The following FOXP1 variants were observed in gnomAD, a reference collection of about 807,000 sequenced individuals.
FOXP1 encodes forkhead box protein P1.
In FOXP1, 15 loss-of-function variants were observed where a neutral mutation model predicts 98.2. The observed-to-expected ratio is 0.15, with a 90% CI of 0.10 to 0.24. FOXP1 has a LOEUF of 0.24. Ranked by LOEUF, FOXP1 falls within the 10% of genes least tolerant of loss-of-function variation. The pLI is 1.00. For synonymous variants in FOXP1, 371 were observed against 314.5 expected (o/e 1.18, Z -1.90); for missense variants, 633 against 848.5 (o/e 0.75, Z 3.15).
chr3:71,476,718 G>A (rs996795288), intron 3 of FOXP1, among the ~76,000 whole-genome samples: 1 of 149,528 alleles, frequency 6.7e-6, no homozygotes, highest in Non-Finnish European at 1.5e-5. Context: ...TGGCCAGGCT[G>A]GTCTCAAACT....
Position 71,104,480 on chromosome 3 carries a change from T to C in FOXP1, c.282+8056A>G, listed in dbSNP as rs558826913. The stretch of plus-strand genomic sequence containing the variant: ...AGTGTCTAACAGAACTTTTGAGTAA[T>C]GAGATTACATTTCAGTTTTTTTTCT... On this transcript the variant is annotated intron_variant, in intron 7 of 20. Coordinates refer to ENST00000649528, the MANE Select transcript of FOXP1 (RefSeq NM_001349338.3). Among the ~76,000 whole-genome samples the C allele has an allele frequency of 3.9e-5, 6 of 152,314 alleles. No homozygotes were observed. In the South Asian group the frequency reaches 1.2e-3, roughly 32 times the overall value.
rs758211906 is a variant in FOXP1 at position 70,970,719 on chromosome 3, A to T, written c.1722+17T>A. The T allele has an allele frequency of 5.6e-6, 9 of 1,596,934 alleles. No individual in the cohort carries two copies. The highest frequency in any genetic ancestry group is 6.0e-6 in the Non-Finnish European group (7 of 1,164,558). On this transcript the variant is annotated intron_variant, in intron 19 of 20. Transcript: ENST00000649528. ...CCTGTGCCTCTGCTGCATATTCGGG[A>T]CGGCCGTTAATCTTACCTGTAAAGC...
intron 6 of FOXP1, among the ~76,000 whole-genome samples, chr3:71,115,317 T>TTTTA (rs10563814): frequency 0.011 from 1,547 of 144,118 alleles, 21 homozygotes; most frequent in South Asian, 0.036. Context: ...ATTATTATTA[T>TTTTA]TTTATTTATT....
intron 4 of FOXP1, among the ~76,000 whole-genome samples, chr3:71,302,048 C>G (rs945540608): frequency 2.6e-5 from 4 of 152,204 alleles, no homozygotes; most frequent in African/African-American, 7.2e-5. Flanking sequence ...GATATAATCT[C>G]TATCTTTCTC....
At chr3:71,290,252 C>G (rs552248072) in intron 5 of FOXP1, among the ~76,000 whole-genome samples, 2 of 152,316 alleles carry the variant, frequency 1.3e-5, no homozygotes, top group Admixed American at 1.3e-4. Context: ...CATTTGTCTT[C>G]TGACTCCTCT....
At chr3:71,314,522 G>A (rs1457886544) in intron 4 of FOXP1, among the ~76,000 whole-genome samples, 1 of 116,298 alleles carries the variant, frequency 8.6e-6, no homozygotes, top group Admixed American at 8.1e-5. Context: ...GTAAGACTCC[G>A]TCTAAAAAAT....
intron 4 of FOXP1, among the ~76,000 whole-genome samples, chr3:71,347,355 C>A (rs2077429338): frequency 6.6e-6 from 1 of 152,132 alleles, no homozygotes; most frequent in South Asian, 2.1e-4. Flanking sequence ...ATTAAATGTT[C>A]CTAATTAAGA....
chr3:71,502,098 C>T (rs1189523554), intron 2 of FOXP1, among the ~76,000 whole-genome samples: 1 of 152,220 alleles, frequency 6.6e-6, no homozygotes, highest in Non-Finnish European at 1.5e-5. Flanking sequence ...ACAAGTTGCT[C>T]TTTAAGAATC....
At chr3:71,289,182 AG>A (rs1216291613) in intron 5 of FOXP1, among the ~76,000 whole-genome samples, 1 of 152,120 alleles carries the variant, frequency 6.6e-6, no homozygotes, top group African/African-American at 2.4e-5. Context: ...CTGAGATTAC[AG>A]GAATGAGCCA....
intron 2 of FOXP1, among the ~76,000 whole-genome samples, chr3:71,497,467 C>T (rs2091498338): frequency 6.6e-6 from 1 of 152,154 alleles, no homozygotes; most frequent in South Asian, 2.1e-4. Context: ...TGTAGCAGTA[C>T]CCCCACTTGC....
chr3:71,413,909 T>C (rs1347778885), intron 3 of FOXP1, among the ~76,000 whole-genome samples: 1 of 152,076 alleles, frequency 6.6e-6, no homozygotes, highest in East Asian at 1.9e-4. Context: ...CATTTATTCC[T>C]TGTGAAATAA....
intron 3 of FOXP1, among the ~76,000 whole-genome samples, chr3:71,428,366 A>C (rs1334596245): frequency 6.6e-6 from 1 of 152,222 alleles, no homozygotes; most frequent in Non-Finnish European, 1.5e-5. Flanking sequence ...CCTTGTTCCA[A>C]ATGTTTCCTG....
intron 14 of FOXP1, 73 bp downstream of exon 14, chr3:70,987,921 A>G (rs2040009782): frequency 7.1e-7 from 1 of 1,402,660 alleles, no homozygotes; most frequent in Non-Finnish European, 1.0e-6. Context: ...TCCTTCCTCC[A>G]TTTGGGGTGG....
At chr3:71,003,889 T>C (rs1366299920) in intron 12 of FOXP1, among the ~76,000 whole-genome samples, 2 of 152,136 alleles carry the variant, frequency 1.3e-5, no homozygotes, top group African/African-American at 4.8e-5. Context: ...TCATAAATTA[T>C]ATCACATCTT....
chr3:71,262,994 A>C (rs1413702462), intron 5 of FOXP1, among the ~76,000 whole-genome samples: 1 of 152,134 alleles, frequency 6.6e-6, no homozygotes, highest in Non-Finnish European at 1.5e-5. Context: ...AACATGCCCA[A>C]AGCACCTGAG....
At chr3:71,381,212 G>GTGA (rs1381633960) in intron 3 of FOXP1, among the ~76,000 whole-genome samples, 1 of 145,794 alleles carries the variant, frequency 6.9e-6, no homozygotes, top group East Asian at 2.0e-4. Context: ...GTTCAGTGAT[G>GTGA]TGATCTCGGC....
chr3:71,112,649 A>C lies in FOXP1; in HGVS notation c.181-12T>G. 1 of 1,606,702 alleles carries C rather than the reference A, an allele frequency of 6.2e-7. No homozygotes were observed. The highest frequency in any genetic ancestry group is 1.7e-4 in the Middle Eastern group (1 of 6,046). ...GCCACCTGAAGTGCCTGGAAGGAAA[A>C]ACAAGAAAATCCTTTGCGTTACTAC... is the stretch of plus-strand genomic sequence containing the variant. On this transcript the variant is annotated splice_polypyrimidine_tract_variant and intron_variant, in intron 6 of 20. Coordinates refer to ENST00000649528, the MANE Select transcript of FOXP1 (RefSeq NM_001349338.3).
chr3:71,473,914 A>G (rs1287443824), intron 3 of FOXP1, among the ~76,000 whole-genome samples: 2 of 152,170 alleles, frequency 1.3e-5, no homozygotes, highest in Non-Finnish European at 2.9e-5. Context: ...GAAGCCCTAC[A>G]TGGGTGGGAC....
intron 7 of FOXP1, among the ~76,000 whole-genome samples, chr3:71,066,528 G>A (rs1342561420): frequency 6.6e-6 from 1 of 152,036 alleles, no homozygotes; most frequent in Non-Finnish European, 1.5e-5. Context: ...ACTATCAGTA[G>A]AGTTCTGACT....
Sources: allele counts gnomAD v4.1 joint callset (sites outside exome capture counted in the v4.1 genomes callset), GRCh38; gene constraint gnomAD v4.1.1; transcripts MANE v1.5; gene names NCBI Gene and HGNC (gene_info 2026-07-23, HGNC 2026-07-21).